G3BP1: variants seen among roughly 807,000 people sequenced by gnomAD.
G3BP1 encodes ras GTPase-activating protein-binding protein 1.
In G3BP1, 35 loss-of-function variants were observed where a neutral mutation model predicts 58.6. The observed-to-expected ratio is 0.60, with a 90% CI of 0.46 to 0.79. G3BP1 has a LOEUF of 0.79. Among genes scored for constraint, G3BP1 ranks in the 30% least tolerant of loss-of-function variants. The pLI is 0.00. For synonymous variants in G3BP1, 191 were observed against 195.4 expected (o/e 0.98, Z 0.19); for missense variants, 523 against 580.8 (o/e 0.90, Z 1.02).
intron 1 of G3BP1, chr5:151,772,433 G>A (rs1027049155): frequency 5.3e-5 from 8 of 152,246 alleles, no homozygotes; most frequent in Admixed American, 4.6e-4. Flanking sequence ...GGATCCAGTC[G>A]GTTCGGACCA....
intron 1 of G3BP1, among the ~76,000 whole-genome samples, chr5:151,775,896 T>C (rs1455584364): frequency 1.3e-5 from 2 of 152,244 alleles, no homozygotes; most frequent in African/African-American, 4.8e-5. Context: ...AAGTAAGATT[T>C]GTGGAAGAGT....
chr5:151,803,710 G>T (rs1762895366), intron 11 of G3BP1, among the ~76,000 whole-genome samples, 175 bp from the exon 12 acceptor site: 1 of 152,054 alleles, frequency 6.6e-6, no homozygotes. Context: ...TGGTCAGGCT[G>T]GTCTTGAACT....
At chr5:151,792,987 C>G (rs1029812730) in intron 4 of G3BP1, among the ~76,000 whole-genome samples, 2 of 152,176 alleles carry the variant, frequency 1.3e-5, no homozygotes, top group Non-Finnish European at 2.9e-5. Context: ...TGGATCTGCA[C>G]TCAGGTGTGT....
intron 1 of G3BP1, among the ~76,000 whole-genome samples, chr5:151,784,731 G>A (rs1435460958): frequency 2.0e-5 from 3 of 151,844 alleles, no homozygotes; most frequent in Admixed American, 2.0e-4. Flanking sequence ...TACATATTTA[G>A]TCATGTGGAA....
intron 2 of G3BP1, among the ~76,000 whole-genome samples, chr5:151,788,473 A>G (rs1195378031): frequency 6.6e-6 from 1 of 151,288 alleles, no homozygotes; most frequent in East Asian, 1.9e-4. Flanking sequence ...ATCATAGCTT[A>G]CTACAGCCTT....
intron 6 of G3BP1, among the ~76,000 whole-genome samples, chr5:151,796,855 A>G (rs916391462): frequency 4.6e-5 from 7 of 151,994 alleles, no homozygotes; most frequent in African/African-American, 1.7e-4. Flanking sequence ...TTATAAACAG[A>G]CTATACCCAT....
At chr5:151,791,235 C>T in intron 4 of G3BP1, 173 bp downstream of exon 4, 1 of 544,896 alleles carries the variant, frequency 1.8e-6, no homozygotes, top group South Asian at 2.4e-5. Flanking sequence ...CACTTGCCCA[C>T]ATGTGTATAA....
chr5:151,773,394 A>G (rs2113210087), intron 1 of G3BP1, among the ~76,000 whole-genome samples: 1 of 152,316 alleles, frequency 6.6e-6, no homozygotes, highest in Middle Eastern at 3.4e-3. Flanking sequence ...GATGTGTTGG[A>G]AAAAACAACT....
intron 4 of G3BP1, 59 bp from the exon 5 acceptor site, chr5:151,794,100 A>G: frequency 1.0e-6 from 1 of 958,412 alleles, no homozygotes; most frequent in Non-Finnish European, 1.7e-6. Context: ...AATGGTGTAG[A>G]GTGATTTGAC....
chr5:151,778,781 G>C (rs184507651), intron 1 of G3BP1, among the ~76,000 whole-genome samples: 28 of 151,624 alleles, frequency 1.8e-4, no homozygotes, highest in African/African-American at 6.8e-4. Flanking sequence ...TATGGGTCAG[G>C]CGCAGTGGCT....
At chr5:151,780,457 C>T (rs1227239822) in intron 1 of G3BP1, among the ~76,000 whole-genome samples, 2 of 152,110 alleles carry the variant, frequency 1.3e-5, no homozygotes, top group Non-Finnish European at 2.9e-5. Context: ...TATGGGCTGC[C>T]TTTATGTTTC....
chr5:151,812,169 T>G lies in G3BP1; in HGVS notation c.*8078T>G, dbSNP rs1204404572. 6.6e-6 allele frequency: 1 copy of G among 152,186 alleles called. No individual in the cohort carries two copies. Among genetic ancestry groups the G allele is most frequent in the African/African-American group, 2.4e-5 (1 of 41,440 alleles). The allele number at this position is 152,186 out of a possible 1,614,324, so 9.4% of individuals were successfully genotyped here. A position where few individuals can be genotyped will look rare whatever the true frequency, so the allele number is the denominator to read the frequency against. On this transcript the variant is annotated 3_prime_UTR_variant, in exon 12 of 12. Transcript: ENST00000356245. Reference sequence around the variant, plus strand: ...TATTTGGAATCACAGCATTGTAACTTGTGATTGTCTTACCTGTAACAGACT... The same window carrying G: ...TATTTGGAATCACAGCATTGTAACTGGTGATTGTCTTACCTGTAACAGACT...
chr5:151,776,667 T>C lies in G3BP1; in HGVS notation c.-50+4631T>C, dbSNP rs114528542. On this transcript the variant is annotated intron_variant, in intron 1 of 11. Coordinates refer to ENST00000356245, the MANE Select transcript of G3BP1 (RefSeq NM_005754.3). ...TTTCTTTTTTTCATTTATATCACTA[T>C]AGACCACGGATATTAATTTTATTCT... Among the ~76,000 whole-genome samples, 859 of 152,236 alleles carry C rather than the reference T, an allele frequency of 5.6e-3. 12 individuals carry two copies. Among genetic ancestry groups the C allele is most frequent in the African/African-American group, 0.02 (830 of 41,564 alleles).
At chr5:151,792,278 C>T (rs983203869) in intron 4 of G3BP1, 57 of 249,254 alleles carry the variant, frequency 2.3e-4, no homozygotes, top group African/African-American at 1.3e-3. Context: ...ATTGTTTTCT[C>T]TAGCATTAAT....
intron 7 of G3BP1, 68 bp from the exon 8 acceptor site, chr5:151,799,144 A>G (rs1762805626): frequency 1.2e-6 from 1 of 804,292 alleles, no homozygotes; most frequent in Non-Finnish European, 2.2e-6. Context: ...CAGGAAATCA[A>G]GAGTTAGTAG....
In G3BP1 at chr5:151,804,324, A is replaced by G; in HGVS notation, c.*233A>G. ...TGGAATGATATTTTAGGAATAACGGACTTTTAAAGAAGCAAAAAAAAAGAC... is the reference window on the plus strand; with the variant it reads ...TGGAATGATATTTTAGGAATAACGGGCTTTTAAAGAAGCAAAAAAAAAGAC... On this transcript the variant is annotated 3_prime_UTR_variant, in exon 12 of 12. Coordinates refer to ENST00000356245, the MANE Select transcript of G3BP1 (RefSeq NM_005754.3). 2.6e-6 allele frequency: 1 copy of G among 378,774 alleles called. No individual in the cohort carries two copies. The highest frequency in any genetic ancestry group is 4.7e-6 in the Non-Finnish European group (1 of 215,014). 23.5% of individuals were successfully genotyped at this position (378,774 alleles called of 1,614,324 possible).
chr5:151,792,099 C>T (rs1404034683), intron 4 of G3BP1: 2 of 456,256 alleles, frequency 4.4e-6, no homozygotes, highest in Non-Finnish European at 8.8e-6. Flanking sequence ...GCTGTTCCTT[C>T]AAGGAGGCCT....
rs114634569 is a variant in G3BP1, at chr5:151,789,271, T to A, written c.96-1052T>A. On this transcript the variant is annotated intron_variant, in intron 2 of 11. Coordinates refer to ENST00000356245, the MANE Select transcript of G3BP1 (RefSeq NM_005754.3). Reference sequence around the variant, plus strand: ...CAGCCTGGCCAATATGGCAAAGCCTTCTCTCTATACTAAAAATACAAAAAA... The same window carrying A: ...CAGCCTGGCCAATATGGCAAAGCCTACTCTCTATACTAAAAATACAAAAAA... 6.5e-3 allele frequency among the ~76,000 whole-genome samples: 991 copies of A among 152,074 alleles called. 11 individuals are homozygous for A. Among genetic ancestry groups the A allele is most frequent in the African/African-American group, 0.022 (925 of 41,496 alleles).
intron 1 of G3BP1, 76 bp from the exon 2 acceptor site, chr5:151,786,496 C>T (rs1334378775): frequency 1.4e-6 from 1 of 691,848 alleles, no homozygotes; most frequent in Non-Finnish European, 2.6e-6. Flanking sequence ...TTTTAAACGA[C>T]TTGCTGAAAT....
Sources: allele counts gnomAD v4.1 joint callset (sites outside exome capture counted in the v4.1 genomes callset), GRCh38; gene constraint gnomAD v4.1.1; transcripts MANE v1.5; gene names NCBI Gene and HGNC (gene_info 2026-07-23, HGNC 2026-07-21).